The following SEMA6D variants were observed in gnomAD, a reference collection of about 807,000 sequenced individuals.
SEMA6D encodes semaphorin 6D, also known as semaphorin-6D.
SEMA6D carries 35 observed loss-of-function variants against 106.6 expected under a neutral mutation model. That is an observed-to-expected ratio of 0.33 (90% CI 0.25 to 0.44). The LOEUF (loss-of-function observed/expected upper bound fraction) is 0.44. SEMA6D is among the 20% of genes least tolerant of loss of function. The probability of loss-of-function intolerance (pLI) is 1.00; values close to 1 mark genes in which losing one functional copy is unlikely to be tolerated. For missense variants in SEMA6D, 1,185 were observed against 1,345.9 expected (o/e 0.88, Z 1.87); for synonymous variants, 499 against 487.7 (o/e 1.02, Z -0.31).
intron 3 of SEMA6D, among the ~76,000 whole-genome samples, chr15:47,533,374 G>A (rs765962930): frequency 1.3e-5 from 2 of 152,172 alleles, no homozygotes; most frequent in Admixed American, 6.5e-5. Context: ...TGGTGATAAT[G>A]AATTTAGCAC....
chr15:47,527,257 T>C (rs913908528), intron 3 of SEMA6D, among the ~76,000 whole-genome samples: 12 of 152,304 alleles, frequency 7.9e-5, no homozygotes, highest in African/African-American at 2.9e-4. Flanking sequence ...ACACTAAATA[T>C]ATACATTTAT....
intron 1 of SEMA6D, among the ~76,000 whole-genome samples, chr15:47,371,578 C>T (rs987075823): frequency 2.6e-5 from 4 of 152,096 alleles, no homozygotes; most frequent in African/African-American, 9.7e-5. Flanking sequence ...TGTGTAGGAG[C>T]CTCAGGTACC....
At chr15:47,646,670 T>C (rs1489632406) in intron 4 of SEMA6D, among the ~76,000 whole-genome samples, 1 of 152,170 alleles carries the variant, frequency 6.6e-6, no homozygotes, top group Non-Finnish European at 1.5e-5. Flanking sequence ...AGGCCTTCAC[T>C]TTCTCGGAAT....
chr15:47,703,454 CAAT>C (rs912516766), intron 4 of SEMA6D, among the ~76,000 whole-genome samples: 46 of 152,032 alleles, frequency 3.0e-4, no homozygotes, highest in African/African-American at 1.1e-3. Context: ...GCCACAGTAT[CAAT>C]AATAACATAT....
At chr15:47,628,638 T>C (rs998437973) in intron 4 of SEMA6D, among the ~76,000 whole-genome samples, 3 of 152,128 alleles carry the variant, frequency 2.0e-5, no homozygotes, top group Non-Finnish European at 4.4e-5. Context: ...TTTAATATGT[T>C]CTAGATGCTA....
At chr15:47,422,779 T>C (rs2041214193) in intron 2 of SEMA6D, among the ~76,000 whole-genome samples, 1 of 152,156 alleles carries the variant, frequency 6.6e-6, no homozygotes, top group Admixed American at 6.6e-5. Context: ...CAGAGCATTT[T>C]TGGCATATGT....
At chr15:47,761,270 G>A in intron 5 of SEMA6D, 50 bp downstream of exon 5, 3 of 1,607,710 alleles carry the variant, frequency 1.9e-6, no homozygotes, top group Non-Finnish European at 2.6e-6. Flanking sequence ...CTGTGGGCTT[G>A]ATACCACAGT....
intron 4 of SEMA6D, among the ~76,000 whole-genome samples, chr15:47,658,363 G>T (rs753632128): frequency 6.6e-6 from 1 of 151,960 alleles, no homozygotes; most frequent in Non-Finnish European, 1.5e-5. Flanking sequence ...ACTCTTACAC[G>T]CCATCAAGTA....
intron 1 of SEMA6D, among the ~76,000 whole-genome samples, chr15:47,362,110 G>A (rs1469275648): frequency 7.9e-5 from 12 of 152,140 alleles, no homozygotes; most frequent in Admixed American, 7.9e-4. Context: ...AATTGGCAAG[G>A]AGAAATGTCA....
intron 1 of SEMA6D, among the ~76,000 whole-genome samples, chr15:47,265,923 C>T (rs10450977): frequency 0.99 from 150,660 of 152,214 alleles, 74,578 homozygotes; most frequent in Middle Eastern, 1. Flanking sequence ...TTTTATCAGG[C>T]CTCTCTGTCG....
chr15:47,188,549 C>T, intron 1 of SEMA6D, among the ~76,000 whole-genome samples: 1 of 151,926 alleles, frequency 6.6e-6, no homozygotes, highest in East Asian at 1.9e-4. Context: ...ATTACATTTT[C>T]TTTTTGCTTT....
intron 1 of SEMA6D, among the ~76,000 whole-genome samples, chr15:47,383,027 A>G (rs568732443): frequency 6.6e-6 from 1 of 152,252 alleles, no homozygotes; most frequent in African/African-American, 2.4e-5. Flanking sequence ...TGGCCTCCCA[A>G]AGTGCTGGGA....
chr15:47,723,751 A>G (rs1486466814), intron 1 of SEMA6D, among the ~76,000 whole-genome samples: 1 of 152,154 alleles, frequency 6.6e-6, no homozygotes, highest in Admixed American at 6.5e-5. Flanking sequence ...ACAAAAAGGG[A>G]AATACACATG....
chr15:47,476,291 G>T (rs1233378979), intron 3 of SEMA6D, among the ~76,000 whole-genome samples: 1 of 152,110 alleles, frequency 6.6e-6, no homozygotes, highest in African/African-American at 2.4e-5. Flanking sequence ...TGTTTATCTT[G>T]CTAATTTAAA....
At chr15:47,568,790 T>C (rs1023964382) in intron 3 of SEMA6D, among the ~76,000 whole-genome samples, 1 of 152,134 alleles carries the variant, frequency 6.6e-6, no homozygotes, top group Non-Finnish European at 1.5e-5. Context: ...AGTGTATCTA[T>C]TTCCTCTATT....
At chr15:47,351,972 A>T (rs2038343337) in intron 1 of SEMA6D, among the ~76,000 whole-genome samples, 1 of 152,198 alleles carries the variant, frequency 6.6e-6, no homozygotes. Context: ...GGATTTTAAA[A>T]TCTGTTATCC....
chr15:47,514,757 G>A (rs1160743804), intron 3 of SEMA6D, among the ~76,000 whole-genome samples: 1 of 152,026 alleles, frequency 6.6e-6, no homozygotes, highest in Non-Finnish European at 1.5e-5. Flanking sequence ...CTCAACACTT[G>A]AAAAAGCTTT....
At chr15:47,342,566 A>G (rs1412773912) in intron 1 of SEMA6D, among the ~76,000 whole-genome samples, 1 of 152,230 alleles carries the variant, frequency 6.6e-6, no homozygotes, top group Non-Finnish European at 1.5e-5. Flanking sequence ...ACCATTACTC[A>G]CTTTAGCATA....
intron 4 of SEMA6D, among the ~76,000 whole-genome samples, chr15:47,634,024 A>G (rs1424864773): frequency 6.6e-6 from 1 of 151,726 alleles, no homozygotes; most frequent in Non-Finnish European, 1.5e-5. Context: ...TCCTTTTTTT[A>G]TCTATATCAA....
Sources: allele counts gnomAD v4.1 joint callset (sites outside exome capture counted in the v4.1 genomes callset), GRCh38; gene constraint gnomAD v4.1.1; transcripts MANE v1.5; gene names NCBI Gene and HGNC (gene_info 2026-07-23, HGNC 2026-07-21).